PTPRM: variants seen among roughly 807,000 people sequenced by gnomAD.
PTPRM encodes the protein receptor-type tyrosine-protein phosphatase mu.
PTPRM carries 47 observed loss-of-function variants against 186.7 expected under a neutral mutation model. That is an observed-to-expected ratio of 0.25 (90% CI 0.20 to 0.32). The LOEUF (loss-of-function observed/expected upper bound fraction) is 0.32, where lower values mean the gene tolerates loss of function less well. Ranked by LOEUF, PTPRM falls within the 10% of genes least tolerant of loss-of-function variation. PTPRM has a pLI of 1.00. For synonymous variants in PTPRM, 668 were observed against 674.9 expected, an observed-to-expected ratio of 0.99 and a Z score of 0.16; for missense variants, 1,494 against 1,865.0, an observed-to-expected ratio of 0.80 and a Z score of 3.66.
chr18:7,567,542 T>G lies in PTPRM; in HGVS notation c.-277T>G. 1 of 342,804 alleles carries G rather than the reference T, an allele frequency of 2.9e-6. No individual in the cohort carries two copies. The highest frequency in any genetic ancestry group is 5.2e-6 in the Non-Finnish European group (1 of 192,014). The allele number at this position is 342,804 out of a possible 1,614,324, so 21.2% of individuals were successfully genotyped here. A position where few individuals can be genotyped will look rare whatever the true frequency, so the allele number is the denominator to read the frequency against. ...TCAGCAACCGGAACCGAGGGAAGATTTTGGCTCCGCGGGCTCGCCCTCCGC... is the reference window on the plus strand; with the variant it reads ...TCAGCAACCGGAACCGAGGGAAGATGTTGGCTCCGCGGGCTCGCCCTCCGC... On this transcript the variant is annotated 5_prime_UTR_variant, in exon 1 of 33. It adds an upstream start codon to the 5' untranslated region. Transcript: ENST00000580170. The surrounding 1 kb of genome is among the most constrained non-coding windows in gnomAD (Gnocchi z 4.3).
intron 29 of PTPRM, among the ~76,000 whole-genome samples, chr18:8,381,241 T>A (rs961826772): frequency 6.6e-6 from 1 of 151,504 alleles, no homozygotes; most frequent in Non-Finnish European, 1.5e-5. Context: ...CCTATACCAA[T>A]CATAGACAAC....
At chr18:7,972,408 A>G (rs1421452421) in intron 7 of PTPRM, among the ~76,000 whole-genome samples, 1 of 127,778 alleles carries the variant, frequency 7.8e-6, no homozygotes, top group Non-Finnish European at 1.6e-5. Flanking sequence ...ACATGTATAC[A>G]TATGTAACTA....
intron 19 of PTPRM, among the ~76,000 whole-genome samples, chr18:8,292,923 G>A (rs150846902): frequency 6.6e-6 from 1 of 152,194 alleles, no homozygotes; most frequent in African/African-American, 2.4e-5. Flanking sequence ...GGTCATTGGG[G>A]TAAGAGTGGT....
At chr18:8,049,910 A>C (rs2087351839) in intron 7 of PTPRM, among the ~76,000 whole-genome samples, 1 of 151,936 alleles carries the variant, frequency 6.6e-6, no homozygotes, top group Non-Finnish European at 1.5e-5. Context: ...ACAGGGTTTC[A>C]CTATGTTGGC....
intron 2 of PTPRM, among the ~76,000 whole-genome samples, chr18:7,781,301 A>C (rs1457666789): frequency 2.0e-5 from 3 of 152,194 alleles, no homozygotes; most frequent in African/African-American, 7.2e-5. Flanking sequence ...AAAAGTCTTT[A>C]ATCAGTATAT....
At chr18:7,825,313 C>A (rs1381947981) in intron 2 of PTPRM, among the ~76,000 whole-genome samples, 2 of 152,034 alleles carry the variant, frequency 1.3e-5, no homozygotes, top group Admixed American at 1.3e-4. Context: ...AGGTACCATG[C>A]AGAGGACTAC....
chr18:7,994,946 A>G (rs887283393), intron 7 of PTPRM, among the ~76,000 whole-genome samples: 4 of 152,092 alleles, frequency 2.6e-5, no homozygotes, highest in Non-Finnish European at 5.9e-5. Flanking sequence ...AAAAATTAGT[A>G]GAAGGGAAGA....
intron 1 of PTPRM, among the ~76,000 whole-genome samples, chr18:7,651,257 A>G (rs1299815388): frequency 6.6e-6 from 1 of 152,148 alleles, no homozygotes; most frequent in Non-Finnish European, 1.5e-5. Flanking sequence ...CAGGCTTCAC[A>G]ATACATTTTT....
chr18:8,148,443 T>C (rs1020016459), intron 14 of PTPRM, among the ~76,000 whole-genome samples: 1 of 152,194 alleles, frequency 6.6e-6, no homozygotes, highest in African/African-American at 2.4e-5. Flanking sequence ...CATAGAGGTG[T>C]TTATAGTATT....
chr18:8,016,909 A>C (rs904953108), intron 7 of PTPRM, among the ~76,000 whole-genome samples: 1 of 152,210 alleles, frequency 6.6e-6, no homozygotes, highest in Non-Finnish European at 1.5e-5. Flanking sequence ...TTTCATCTAC[A>C]TGGCTGACCA....
chr18:7,730,406 A>G (rs2040634628), intron 1 of PTPRM, among the ~76,000 whole-genome samples: 1 of 152,148 alleles, frequency 6.6e-6, no homozygotes, highest in African/African-American at 2.4e-5. Context: ...TCCTCAAGTT[A>G]TGAATTAGTG....
intron 31 of PTPRM, among the ~76,000 whole-genome samples, chr18:8,391,322 T>C (rs1341239092): frequency 6.6e-6 from 1 of 152,232 alleles, no homozygotes; most frequent in African/African-American, 2.4e-5. Context: ...TTACTCATAA[T>C]ATTTAAAAAC....
At chr18:7,955,457 T>C in intron 7 of PTPRM, 43 bp downstream of exon 7, 1 of 1,568,106 alleles carries the variant, frequency 6.4e-7, no homozygotes, top group Non-Finnish European at 8.6e-7. Context: ...TTGTCTTTCC[T>C]GGTGTTGACT....
chr18:8,360,751 A>T (rs1244543549), intron 23 of PTPRM: 1 of 152,234 alleles, frequency 6.6e-6, no homozygotes, highest in African/African-American at 2.4e-5. Context: ...AACACCCGAC[A>T]CTGTTTGGAT....
Position 8,238,025 on chromosome 18 carries a change from G to T in PTPRM, c.2301-6033G>T, listed in dbSNP as rs192902628. 1.7e-3 allele frequency among the ~76,000 whole-genome samples: 255 copies of T among 151,868 alleles called. 1 individual carries two copies. The highest frequency in any genetic ancestry group is 5.8e-3 in the African/African-American group (240 of 41,380). On this transcript the variant is annotated intron_variant, in intron 14 of 32. Transcript: ENST00000580170. ...GATATTACTAGGTGTAGATTTTTTG[G>T]CATTTATCCTGCTTGGTGTTCTTTG...
chr18:8,400,515 G>A lies in PTPRM; in HGVS notation c.4345-5594G>A, dbSNP rs556485473. On this transcript the variant is annotated intron_variant, in intron 32 of 32. Coordinates refer to ENST00000580170, the MANE Select transcript of PTPRM (RefSeq NM_001105244.2). Reference sequence around the variant, plus strand: ...GGAGCCCCCGCCAGGTAGGATAGACGTGCCACACGGCTGAGAAAGTTGGTG... The same window carrying A: ...GGAGCCCCCGCCAGGTAGGATAGACATGCCACACGGCTGAGAAAGTTGGTG... Among the ~76,000 whole-genome samples, 10 of 152,318 alleles carry A rather than the reference G, an allele frequency of 6.6e-5. No individual in the cohort carries two copies. In the South Asian group the frequency reaches 1.0e-3, roughly 16 times the overall value.
At chr18:8,161,210 G>C (rs534352700) in intron 14 of PTPRM, among the ~76,000 whole-genome samples, 2 of 152,320 alleles carry the variant, frequency 1.3e-5, no homozygotes, top group South Asian at 4.1e-4. Context: ...CTCCTTGGGG[G>C]ACACTTGGGG....
At chr18:7,921,861 G>A (rs2050885955) in intron 4 of PTPRM, among the ~76,000 whole-genome samples, 2 of 152,044 alleles carry the variant, frequency 1.3e-5, no homozygotes, top group South Asian at 2.1e-4. Flanking sequence ...TCACCATCTT[G>A]TTCAAGTCAG....
At chr18:8,342,239 G>A (rs1420717856) in intron 22 of PTPRM, among the ~76,000 whole-genome samples, 1 of 152,188 alleles carries the variant, frequency 6.6e-6, no homozygotes, top group African/African-American at 2.4e-5. Flanking sequence ...CAAAAGGACA[G>A]CTATTAATAA....
Sources: allele counts gnomAD v4.1 joint callset (sites outside exome capture counted in the v4.1 genomes callset), GRCh38; gene constraint gnomAD v4.1.1; non-coding constraint Gnocchi (gnomAD v3.1); transcripts MANE v1.5; gene names NCBI Gene and HGNC (gene_info 2026-07-23, HGNC 2026-07-21).